Variants in MTHFD2L observed in about 807,000 individuals in gnomAD.
MTHFD2L encodes the protein methylenetetrahydrofolate dehydrogenase (NADP+ dependent) 2 like.
Under a neutral mutation model 34.9 loss-of-function variants are expected in MTHFD2L, and 29 were observed. The ratio of observed to expected loss-of-function variants is 0.83; its 90% CI spans 0.62 to 1.13. The LOEUF (loss-of-function observed/expected upper bound fraction) is 1.13, where lower values mean the gene tolerates loss of function less well. Ranked by LOEUF, MTHFD2L falls within the 50% of genes most tolerant of loss-of-function variation. The probability of loss-of-function intolerance (pLI) is 0.00; values close to 1 mark genes in which losing one functional copy is unlikely to be tolerated. For synonymous variants in MTHFD2L, 167 were observed against 155.7 expected (o/e 1.07, Z -0.54); for missense variants, 481 against 446.5 (o/e 1.08, Z -0.70).
Position 74,117,226 on chromosome 4 carries a change from C to T in MTHFD2L, c.-144+2569C>T, listed in dbSNP as rs534660215. ...TGGCATGCTGAGCTTAGAATGGAGC[C>T]AACAGAAGGAACCTGGCCTCGGACA... On this transcript the variant is annotated intron_variant and NMD_transcript_variant, in intron 2 of 9. Coordinates refer to the MTHFD2L transcript ENST00000429519. Among the ~76,000 whole-genome samples, 69 of 152,284 alleles carry T rather than the reference C, an allele frequency of 4.5e-4. 1 individual carries two copies. In the South Asian group the frequency reaches 0.014, roughly 30 times the overall value.
At chr4:74,267,346 TCTC>T (rs1745423602) in intron 6 of MTHFD2L, 5 of 573,480 alleles carry the variant, frequency 8.7e-6, no homozygotes, top group East Asian at 1.5e-4. Flanking sequence ...TTCCTTTCTT[TCTC>T]CTTTCTTTCT....
At chr4:74,255,017 C>A (rs1338015167) in intron 6 of MTHFD2L, among the ~76,000 whole-genome samples, 1 of 151,328 alleles carries the variant, frequency 6.6e-6, no homozygotes, top group Non-Finnish European at 1.5e-5. Flanking sequence ...TGCCTGTAAT[C>A]CCAGCTACTC....
chr4:74,275,719 T>C (rs1012543961), intron 6 of MTHFD2L, among the ~76,000 whole-genome samples: 1 of 152,058 alleles, frequency 6.6e-6, no homozygotes, highest in Non-Finnish European at 1.5e-5. Flanking sequence ...TTTTTTTTTA[T>C]GTGTATGTTG....
At chr4:74,279,492 C>T (rs1747144734) in intron 6 of MTHFD2L, among the ~76,000 whole-genome samples, 1 of 151,834 alleles carries the variant, frequency 6.6e-6, no homozygotes, top group South Asian at 2.1e-4. Flanking sequence ...AAGTTTTTTT[C>T]CATTTTGTAA....
intron 1 of MTHFD2L, among the ~76,000 whole-genome samples, chr4:74,144,827 G>T (rs1467942888): frequency 1.3e-5 from 2 of 152,028 alleles, no homozygotes; most frequent in African/African-American, 4.8e-5. Context: ...GAATCTGCAA[G>T]CACAGTAGCA....
At chr4:74,200,642 T>C (rs1219497443) in intron 4 of MTHFD2L, among the ~76,000 whole-genome samples, 5 of 152,176 alleles carry the variant, frequency 3.3e-5, no homozygotes, top group Non-Finnish European at 7.4e-5. Context: ...AAGTTTTCTT[T>C]CTGAGAAAGA....
chr4:74,253,056 T>A (rs1038832340), intron 6 of MTHFD2L, among the ~76,000 whole-genome samples: 31 of 152,170 alleles, frequency 2.0e-4, no homozygotes, highest in Non-Finnish European at 3.7e-4. Context: ...GATGATAGAG[T>A]AATAGTTTCA....
intron 6 of MTHFD2L, among the ~76,000 whole-genome samples, chr4:74,235,196 A>G (rs997609224): frequency 2.0e-5 from 3 of 152,200 alleles, no homozygotes; most frequent in African/African-American, 7.2e-5. Context: ...CTGAAATAAC[A>G]TCATATTTGA....
Position 74,230,915 on chromosome 4 carries a change from A to T in MTHFD2L, c.805+5521A>T, listed in dbSNP as rs557214397. 2.6e-5 allele frequency among the ~76,000 whole-genome samples: 4 copies of T among 152,058 alleles called. No homozygotes were observed. In the South Asian group the frequency reaches 8.3e-4, roughly 32 times the overall value. On this transcript the variant is annotated intron_variant, in intron 6 of 7. Coordinates refer to ENST00000325278, the MANE Select transcript of MTHFD2L (RefSeq NM_001144978.3). ...AGTTTTTTTAGACATTGTCCACATT[A>T]CCCTCCACCCATCTGAGTAAACTCT...
chr4:74,243,289 T>G (rs1741964813), intron 6 of MTHFD2L, among the ~76,000 whole-genome samples: 1 of 152,210 alleles, frequency 6.6e-6, no homozygotes, highest in African/African-American at 2.4e-5. Context: ...ATCTTCCAAA[T>G]ACTATGTTTC....
At chr4:74,287,917 A>G (rs996420025) in intron 7 of MTHFD2L, among the ~76,000 whole-genome samples, 3 of 152,188 alleles carry the variant, frequency 2.0e-5, no homozygotes, top group African/African-American at 7.2e-5. Flanking sequence ...TGGTTTAAAC[A>G]GAAATTTACT....
chr4:74,266,252 A>G (rs1010372194), intron 6 of MTHFD2L, among the ~76,000 whole-genome samples: 6 of 152,172 alleles, frequency 3.9e-5, no homozygotes, highest in Non-Finnish European at 5.9e-5. Context: ...TTTCACTATT[A>G]TGTTTCTAAA....
At chr4:74,226,190 CAA>C (rs35075391) in intron 6 of MTHFD2L, among the ~76,000 whole-genome samples, 2 of 148,712 alleles carry the variant, frequency 1.3e-5, no homozygotes, top group Non-Finnish European at 1.5e-5. Context: ...TTTTGGTTGA[CAA>C]AAAAAAAATC....
chr4:74,194,350 T>C (rs1733106284), intron 3 of MTHFD2L: 1 of 152,194 alleles, frequency 6.6e-6, no homozygotes, highest in Non-Finnish European at 1.5e-5. Flanking sequence ...GTCCTGTGGC[T>C]AGAAAAGCTT....
chr4:74,135,258 G>A (rs1390698553), intron 1 of MTHFD2L, among the ~76,000 whole-genome samples: 3 of 151,718 alleles, frequency 2.0e-5, no homozygotes, highest in Admixed American at 2.0e-4. Flanking sequence ...ATCATCTTTA[G>A]CCAGAATAAG....
chr4:74,215,458 C>G (rs757371942), intron 5 of MTHFD2L, among the ~76,000 whole-genome samples: 4 of 151,816 alleles, frequency 2.6e-5, no homozygotes, highest in Non-Finnish European at 5.9e-5. Context: ...GGGAATTCCT[C>G]TACCCCTTGT....
At chr4:74,219,436 A>G (rs1249292896) in intron 5 of MTHFD2L, among the ~76,000 whole-genome samples, 1 of 152,130 alleles carries the variant, frequency 6.6e-6, no homozygotes, top group Non-Finnish European at 1.5e-5. Context: ...ACTCTTGAGT[A>G]CCTGCTGCGA....
intron 6 of MTHFD2L, among the ~76,000 whole-genome samples, chr4:74,242,486 A>G (rs1741865013): frequency 6.6e-6 from 1 of 152,188 alleles, no homozygotes; most frequent in Admixed American, 6.5e-5. Context: ...ATCTTCCAAC[A>G]TTCTTATGAG....
intron 6 of MTHFD2L, among the ~76,000 whole-genome samples, chr4:74,246,437 AC>A: frequency 6.6e-6 from 1 of 151,498 alleles, no homozygotes; most frequent in South Asian, 2.1e-4. Flanking sequence ...TTGCCTGTTC[AC>A]TCTGATGGTA....
Sources: allele counts gnomAD v4.1 joint callset (sites outside exome capture counted in the v4.1 genomes callset), GRCh38; gene constraint gnomAD v4.1.1; transcripts MANE v1.5; gene names NCBI Gene and HGNC (gene_info 2026-07-23, HGNC 2026-07-21).